Variants in TRAK1 observed in about 807,000 individuals in gnomAD.
TRAK1 encodes trafficking kinesin protein 1.
A neutral mutation model predicts 92.1 loss-of-function variants in TRAK1; 33 were observed. That is an observed-to-expected ratio of 0.36 (90% confidence interval 0.27 to 0.48). The LOEUF is 0.48. TRAK1 is among the 20% of genes least tolerant of loss of function. TRAK1 has a pLI of 0.99. For synonymous variants in TRAK1, 521 were observed against 517.3 expected, an observed-to-expected ratio of 1.01 and a Z score of -0.10; for missense variants, 1,123 against 1,257.9, an observed-to-expected ratio of 0.89 and a Z score of 1.62.
At chr3:42,173,690 T>C (rs1702845985) in intron 2 of TRAK1, among the ~76,000 whole-genome samples, 1 of 152,246 alleles carries the variant, frequency 6.6e-6, no homozygotes, top group Non-Finnish European at 1.5e-5. Context: ...GTGCAGTCTC[T>C]GCAATGCAGC....
intron 1 of TRAK1, among the ~76,000 whole-genome samples, chr3:42,039,582 T>C (rs2148900325): frequency 6.6e-6 from 1 of 152,360 alleles, no homozygotes; most frequent in South Asian, 2.1e-4. Context: ...CAGGCTGGTC[T>C]CAAACTCCTG....
At chr3:42,059,515 C>T (rs888823282) in intron 1 of TRAK1, among the ~76,000 whole-genome samples, 1 of 152,176 alleles carries the variant, frequency 6.6e-6, no homozygotes, top group Non-Finnish European at 1.5e-5. Context: ...TGGCCTGTTT[C>T]TCCCTGTGCC....
At position 42,061,144 on chromosome 3, in the gene TRAK1, T is replaced by TTACAAAAAGTGTGCAGAG. The variant is rs1236636992; in HGVS notation, c.-518-25958_-518-25941dup. On this transcript the variant is annotated intron_variant, in intron 1 of 16. Coordinates refer to the TRAK1 transcript ENST00000487159. ...GTATAATTTTAGATTTATAGAAAAG[T>TTACAAAAAGTGTGCAGAG]TACAAAAAGTGTGCAGAGTTCCCAT... is the stretch of plus-strand genomic sequence containing the variant. Among the ~76,000 whole-genome samples, 8 of 152,218 alleles carry TTACAAAAAGTGTGCAGAG rather than the reference T, an allele frequency of 5.3e-5. No homozygotes were observed. In the East Asian group the frequency reaches 1.5e-3, roughly 29 times the overall value.
chr3:42,059,560 G>A (rs1352312302), intron 1 of TRAK1, among the ~76,000 whole-genome samples: 1 of 151,820 alleles, frequency 6.6e-6, no homozygotes, highest in Non-Finnish European at 1.5e-5. Context: ...TTTCTTCCTC[G>A]TGGACACTTC....
At chr3:42,210,194 C>G (rs772729243) in intron 14 of TRAK1, 16 of 1,568,236 alleles carry the variant, frequency 1.0e-5, no homozygotes, top group Non-Finnish European at 8.6e-7. Flanking sequence ...CCATTCTCAC[C>G]TCTGTTCCAG....
chr3:42,163,461 CGGGAGGCTGAGGCA>C (rs1701500578), intron 2 of TRAK1, among the ~76,000 whole-genome samples: 1 of 151,642 alleles, frequency 6.6e-6, no homozygotes, highest in Non-Finnish European at 1.5e-5. Flanking sequence ...CCCAGCTACT[CGGGAGGCTGAGGCA>C]GGGAATTGCT....
At chr3:42,144,682 TA>T (rs1438974341) in intron 2 of TRAK1, among the ~76,000 whole-genome samples, 1 of 147,490 alleles carries the variant, frequency 6.8e-6, no homozygotes, top group Non-Finnish European at 1.5e-5. Flanking sequence ...TATCCTTGTA[TA>T]TTTTTTTTTA....
chr3:42,053,375 TGGGG>T (rs760432112), intron 1 of TRAK1, among the ~76,000 whole-genome samples: 6 of 50,620 alleles, frequency 1.2e-4, no homozygotes, highest in African/African-American at 3.2e-4. Context: ...CAGAGTCGGG[TGGGG>T]GGGGGGGGCG....
chr3:42,017,954 T>G (rs1701586484), intron 1 of TRAK1, among the ~76,000 whole-genome samples: 1 of 151,996 alleles, frequency 6.6e-6, no homozygotes, highest in Non-Finnish European at 1.5e-5. Flanking sequence ...TTTTTTTTCT[T>G]AAATAGAGAC....
At chr3:42,107,159 A>G (rs1318704489) in intron 1 of TRAK1, among the ~76,000 whole-genome samples, 1 of 152,196 alleles carries the variant, frequency 6.6e-6, no homozygotes, top group Non-Finnish European at 1.5e-5. Context: ...TGAAAGCCTT[A>G]CAGAGTCTAA....
At chr3:42,031,854 C>T (rs1286523096) in intron 1 of TRAK1, among the ~76,000 whole-genome samples, 1 of 151,950 alleles carries the variant, frequency 6.6e-6, no homozygotes, top group Non-Finnish European at 1.5e-5. Context: ...ATTTCAGGGA[C>T]CAGGGAGAGT....
chr3:42,092,139 C>T (rs1248716027), intron 1 of TRAK1, among the ~76,000 whole-genome samples: 2 of 151,584 alleles, frequency 1.3e-5, no homozygotes, highest in African/African-American at 2.4e-5. Flanking sequence ...GCCTGGGACT[C>T]GGATCCACAC....
intron 1 of TRAK1, among the ~76,000 whole-genome samples, chr3:42,121,356 T>C (rs1053666899): frequency 2.1e-5 from 3 of 146,312 alleles, no homozygotes; most frequent in Non-Finnish European, 1.5e-5. Flanking sequence ...GCCTCCGGGG[T>C]TCACACCATT....
intron 1 of TRAK1, among the ~76,000 whole-genome samples, chr3:42,050,212 C>T (rs574425654): frequency 2.4e-4 from 37 of 152,030 alleles, no homozygotes; most frequent in African/African-American, 8.7e-4. Flanking sequence ...GGGGGTCTTA[C>T]ACTGCTAAGT....
At chr3:42,084,007 AT>A (rs1704552910), upstream of TRAK1, among the ~76,000 whole-genome samples, 1 of 152,050 alleles carries the variant, frequency 6.6e-6, no homozygotes, top group Admixed American at 6.6e-5. Context: ...GGAATTTAAA[AT>A]TTTTACTAGA....
intron 1 of TRAK1, among the ~76,000 whole-genome samples, chr3:42,029,832 C>T (rs909940800): frequency 6.6e-5 from 10 of 152,114 alleles, no homozygotes; most frequent in Admixed American, 1.3e-4. Flanking sequence ...TACAGGTGTA[C>T]GCCACTGCGA....
intron 2 of TRAK1, chr3:42,151,400 A>T (rs1699934420): frequency 2.2e-6 from 1 of 456,416 alleles, no homozygotes; most frequent in African/African-American, 2.0e-5. Flanking sequence ...GAGCAAAGGA[A>T]AATAGAAGAG....
At chr3:42,138,876 GGTGTGTGTGTGTGTGTGTGTGTGT>G (rs60025099) in intron 2 of TRAK1, among the ~76,000 whole-genome samples, 1 of 118,774 alleles carries the variant, frequency 8.4e-6, no homozygotes, top group Non-Finnish European at 1.7e-5. Context: ...AAGCATAGGG[GGTGTGTGTGTGTGTGTGTGTGTGT>G]GTGTGTGTGT....
chr3:42,206,682 G>A (rs1383170262), intron 13 of TRAK1, among the ~76,000 whole-genome samples: 2 of 152,216 alleles, frequency 1.3e-5, no homozygotes, highest in Non-Finnish European at 2.9e-5. Context: ...TTACATGGGT[G>A]TTCTTACATC....
Sources: allele counts gnomAD v4.1 joint callset (sites outside exome capture counted in the v4.1 genomes callset), GRCh38; gene constraint gnomAD v4.1.1; transcripts MANE v1.5; gene names NCBI Gene and HGNC (gene_info 2026-07-23, HGNC 2026-07-21).